COL6A2: variants seen among roughly 807,000 people sequenced by gnomAD.
The protein encoded by COL6A2 is collagen type VI alpha 2 chain, also known as collagen alpha-2(VI) chain.
In COL6A2, 90 loss-of-function variants were observed where a neutral mutation model predicts 124.9. The observed-to-expected ratio is 0.72, with a 90% CI of 0.61 to 0.86. COL6A2 has a LOEUF of 0.86. Ranked by LOEUF, COL6A2 falls within the 40% of genes least tolerant of loss-of-function variation. The probability of loss-of-function intolerance (pLI) is 0.00; values close to 1 mark genes in which losing one functional copy is unlikely to be tolerated. For synonymous variants in COL6A2, 793 were observed against 618.2 expected, an observed-to-expected ratio of 1.28 and a Z score of -4.19; for missense variants, 1,607 against 1,502.5, an observed-to-expected ratio of 1.07 and a Z score of -1.15.
In COL6A2 at chr21:46,121,107, G is replaced by C. The variant is rs762096203; in HGVS notation, c.1442G>C (p.Gly481Ala). 6.2e-7 allele frequency: 1 copy of C among 1,612,768 alleles called. No homozygotes were observed. The highest frequency in any genetic ancestry group is 1.1e-5 in the South Asian group (1 of 91,082). Residue 481 changes from glycine to alanine, a missense_variant, in exon 17 of 28, where the codon GGG becomes GCG. Coordinates refer to ENST00000300527, the MANE Select transcript of COL6A2 (RefSeq NM_001849.4). ...CCCAGAGGCCCCCAGGGAGCTCTTG[G>C]GGAGCCCGGAAAGCAGGTCAGTGTC... ...PGPRGPQGALGEPGKQGSRGD... is the reference protein window; with the variant it reads ...PGPRGPQGALAEPGKQGSRGD...
At chr21:46,131,169 T>G in intron 27 of COL6A2, among the ~76,000 whole-genome samples, 1 of 152,172 alleles carries the variant, frequency 6.6e-6, no homozygotes, top group African/African-American at 2.4e-5. Context: ...GCTGAGGTCT[T>G]GGTGAGGCCA....
intron 1 of COL6A2, among the ~76,000 whole-genome samples, chr21:46,102,394 C>T (rs2078296976): frequency 6.6e-6 from 1 of 151,958 alleles, no homozygotes; most frequent in Non-Finnish European, 1.5e-5. Context: ...CTTTTTCTTG[C>T]CCAATTGCTC....
intron 18 of COL6A2, among the ~76,000 whole-genome samples, chr21:46,121,892 C>G (rs747521021): frequency 6.8e-6 from 1 of 146,824 alleles, no homozygotes; most frequent in Admixed American, 6.6e-5. Flanking sequence ...GGGTCCTCCC[C>G]GCGTGTGGGC....
At chr21:46,114,424 CAAAAA>C (rs751941293) in intron 5 of COL6A2, among the ~76,000 whole-genome samples, 1 of 96,624 alleles carries the variant, frequency 1.0e-5, no homozygotes, top group Non-Finnish European at 2.1e-5. Flanking sequence ...GACTCTGTCT[CAAAAA>C]AAAAAAAAAA....
At chr21:46,126,342 C>G (rs1179162211) in intron 26 of COL6A2, 105 bp downstream of exon 26, 4 of 1,519,462 alleles carry the variant, frequency 2.6e-6, no homozygotes, top group Non-Finnish European at 3.6e-6. Context: ...AATGTGCAGC[C>G]CAGGATCTTG....
At chr21:46,117,584 CCCCAGCCCAGCATT>C in intron 11 of COL6A2, 131 bp downstream of exon 11, 2 of 958,866 alleles carry the variant, frequency 2.1e-6, no homozygotes, top group Non-Finnish European at 3.2e-6. Flanking sequence ...AGCCCAGCAG[CCCCAGCCCAGCATT>C]CTGCCGGGTC....
chr21:46,117,175 AG>A (rs1483846383), intron 10 of COL6A2, among the ~76,000 whole-genome samples: 3 of 152,202 alleles, frequency 2.0e-5, no homozygotes, highest in African/African-American at 7.2e-5. Context: ...CTCTGCCCTC[AG>A]GGCCTCTGGG....
At chr21:46,130,846 C>T (rs150647821) in intron 27 of COL6A2, among the ~76,000 whole-genome samples, 6 of 152,310 alleles carry the variant, frequency 3.9e-5, no homozygotes, top group Non-Finnish European at 7.3e-5. Flanking sequence ...GAATGAGCTG[C>T]GTCACTCATA....
rs1169694742 is a variant in COL6A2 at position 46,126,110 on chromosome 21, G to A, written c.2295G>A (p.Glu765=). The stretch of plus-strand genomic sequence containing the variant: ...TCGGCATCGGGGACATGTTCCACGA[G>A]AAGCACGAGAGTGAAAACCTCTACT... The part of the protein sequence containing the change: ...TAIGIGDMFH[E]KHESENLYSI... The change falls in exon 26 of 28, where the codon GAG becomes GAA. Residue 765 remains glutamate (E), a synonymous_variant. Transcript: ENST00000300527. 6.2e-7 allele frequency: 1 copy of A among 1,612,554 alleles called. No individual in the cohort carries two copies. The highest frequency in any genetic ancestry group is 8.5e-7 in the Non-Finnish European group (1 of 1,180,030).
chr21:46,120,425 C>T (rs1747648834), intron 15 of COL6A2, 90 bp from the exon 16 acceptor site: 8 of 1,072,828 alleles, frequency 7.5e-6, no homozygotes, highest in Non-Finnish European at 2.7e-6. Flanking sequence ...AGGCCCCCTT[C>T]CCCAACCCCC....
intron 1 of COL6A2, among the ~76,000 whole-genome samples, chr21:46,107,017 G>C (rs554140845): frequency 6.6e-6 from 1 of 152,096 alleles, no homozygotes; most frequent in Non-Finnish European, 1.5e-5. Flanking sequence ...AAGATAGTGG[G>C]ATGATTTCTT....
rs1175601473 is a variant in COL6A2, at chr21:46,125,939, G to A, written c.2124G>A (p.Lys708=). The change falls in exon 26 of 28, where the codon AAG becomes AAA. Residue 708 remains lysine, a synonymous_variant. Transcript: ENST00000300527. ...GCACCTGGACACCCTCAGCCCTCAA[G>A]TTTGCCTACGACCGCCTCATCAAGG... The part of the protein sequence containing the change: ...AGGTWTPSAL[K]FAYDRLIKES... 3 of 1,613,196 alleles carry A rather than the reference G, an allele frequency of 1.9e-6. No individual in the cohort carries two copies. The highest frequency in any genetic ancestry group is 3.3e-5 in the Admixed American group (2 of 60,020).
In COL6A2 at chr21:46,101,711, T is replaced by C. The variant is rs535367163; in HGVS notation, c.-28+3538T>C. ...AAAGTCATATATGCAAGGGTTTCTT[T>C]CTGGACTCTCTGTTTTATTCTGTTG... On this transcript the variant is annotated intron_variant, in intron 1 of 27. Coordinates refer to ENST00000300527, the MANE Select transcript of COL6A2 (RefSeq NM_001849.4). Among the ~76,000 whole-genome samples the C allele has an allele frequency of 2.6e-5, 4 of 152,296 alleles. No individual in the cohort carries two copies. In the East Asian group the frequency reaches 7.7e-4, roughly 29 times the overall value.
chr21:46,123,153 C>T (rs1183592602), intron 21 of COL6A2, among the ~76,000 whole-genome samples: 1 of 128,908 alleles, frequency 7.8e-6, no homozygotes, highest in African/African-American at 2.9e-5. Flanking sequence ...GACCCCCCAA[C>T]ATCCCCCCCA....
In COL6A2 at chr21:46,124,709, C is replaced by A; in HGVS notation, c.1730C>A (p.Pro577His). 1.2e-6 allele frequency: 2 copies of A among 1,612,690 alleles called. No homozygotes were observed. The highest frequency in any genetic ancestry group is 2.7e-5 in the African/African-American group (2 of 74,992). Residue 577 changes from proline to histidine, a missense_variant, in exon 22 of 28, where the codon CCC (proline) becomes CAC (histidine). Pro to His is a moderately conservative substitution (Grantham distance 77). Coordinates refer to ENST00000300527, the MANE Select transcript of COL6A2 (RefSeq NM_001849.4). ...CGGGGGCCAAGAGGAGTCCCAGGAC[C>A]CGAGGTAGGTTGGTGGCCAGTCCCC... ...GPRGPRGVPG[P>H]EGEPGPPGDP...
intron 18 of COL6A2, among the ~76,000 whole-genome samples, chr21:46,121,905 G>C (rs1325652419): frequency 2.1e-5 from 3 of 143,598 alleles, no homozygotes; most frequent in Non-Finnish European, 4.6e-5. Flanking sequence ...GTGTGGGCAG[G>C]CTTCGGGTCT....
rs764371488 is a variant in COL6A2, at chr21:46,125,853, C to T, written c.2038C>T (p.Arg680Cys). The change falls in exon 26 of 28, where the codon CGT becomes TGT. Residue 680 changes from arginine (R) to cysteine (C), a missense_variant. Transcript: ENST00000300527. Reference sequence around the variant, plus strand: ...TGAGGCCATCCAGCTGGACGACGAACGTATCGACTCCCTGTCGAGCTTCAA... The same window carrying T: ...TGAGGCCATCCAGCTGGACGACGAATGTATCGACTCCCTGTCGAGCTTCAA... ...TFEAIQLDDE[R>C]IDSLSSFKEA... 1.2e-6 allele frequency: 2 copies of T among 1,613,056 alleles called. No homozygotes were observed. Among genetic ancestry groups the T allele is most frequent in the East Asian group, 2.2e-5 (1 of 44,854 alleles).
intron 27 of COL6A2, among the ~76,000 whole-genome samples, chr21:46,131,086 G>A (rs905289685): frequency 1.4e-4 from 22 of 152,168 alleles, no homozygotes; most frequent in African/African-American, 4.3e-4. Flanking sequence ...CTGTGACGAC[G>A]TCCAGGGGTT....
At chr21:46,124,814 G>A in intron 22 of COL6A2, 71 bp from the exon 23 acceptor site, 3 of 1,602,222 alleles carry the variant, frequency 1.9e-6, no homozygotes, top group East Asian at 4.5e-5. Flanking sequence ...GTATCAGTGG[G>A]CAGTGGCCTG....
Sources: gnomAD v4.1 joint callset for allele counts (sites outside exome capture counted in the v4.1 genomes callset) on GRCh38, gnomAD v4.1.1 for gene constraint, MANE v1.5 for transcripts, NCBI Gene and HGNC (gene_info 2026-07-23, HGNC 2026-07-21) for gene names.